Variants in GRIA2 observed in about 807,000 individuals in gnomAD.
GRIA2 encodes glutamate ionotropic receptor AMPA type subunit 2.
GRIA2 carries 14 observed loss-of-function variants against 97.3 expected under a neutral mutation model. The ratio of observed to expected loss-of-function variants is 0.14; its 90% CI spans 0.10 to 0.23. The LOEUF (loss-of-function observed/expected upper bound fraction) is 0.23. Among genes scored for constraint, GRIA2 ranks in the 10% least tolerant of loss-of-function variants. The pLI, the probability that GRIA2 is intolerant of heterozygous loss-of-function variation, is 1.00. For synonymous variants in GRIA2, 412 were observed against 387.8 expected, an observed-to-expected ratio of 1.06 and a Z score of -0.73; for missense variants, 558 against 1,069.8, an observed-to-expected ratio of 0.52 and a Z score of 6.67.
intron 6 of GRIA2, among the ~76,000 whole-genome samples, chr4:157,326,468 A>C (rs767259264): frequency 6.6e-6 from 1 of 152,200 alleles, no homozygotes. Context: ...CCTCATACAT[A>C]GTAACCATCT....
intron 2 of GRIA2, among the ~76,000 whole-genome samples, chr4:157,223,798 A>G (rs1479833128): frequency 6.6e-6 from 1 of 152,232 alleles, no homozygotes; most frequent in Non-Finnish European, 1.5e-5. Flanking sequence ...GGTGAAAATA[A>G]TGAGAAGAAC....
At chr4:157,263,224 T>A (rs1434713186) in intron 2 of GRIA2, among the ~76,000 whole-genome samples, 2 of 152,112 alleles carry the variant, frequency 1.3e-5, no homozygotes, top group African/African-American at 2.4e-5. Context: ...TCCTTCTTTT[T>A]TATTCCTGTT....
chr4:157,362,477 T>G (rs1222980712), intron 14 of GRIA2: 7 of 483,750 alleles, frequency 1.4e-5, no homozygotes, highest in Admixed American at 1.4e-4. Context: ...CCTTCAATTT[T>G]TCCCACGGTA....
At chr4:157,287,052 A>G (rs566746347) in intron 2 of GRIA2, among the ~76,000 whole-genome samples, 1 of 151,524 alleles carries the variant, frequency 6.6e-6, no homozygotes, top group Admixed American at 6.6e-5. Context: ...TTCTGTCTGG[A>G]AACAACTCCA....
chr4:157,268,786 T>C (rs1222136065), intron 2 of GRIA2, among the ~76,000 whole-genome samples: 1 of 152,032 alleles, frequency 6.6e-6, no homozygotes, highest in Non-Finnish European at 1.5e-5. Flanking sequence ...GCTTTTTTTC[T>C]TAGGATATAA....
At chr4:157,344,057 A>T (rs1735664296) in intron 12 of GRIA2, among the ~76,000 whole-genome samples, 1 of 152,130 alleles carries the variant, frequency 6.6e-6, no homozygotes, top group Non-Finnish European at 1.5e-5. Context: ...CTGAATTAGT[A>T]TAGGGAAATT....
chr4:157,229,213 A>AT (rs1465791725), intron 2 of GRIA2, among the ~76,000 whole-genome samples: 1 of 151,574 alleles, frequency 6.6e-6, no homozygotes, highest in Non-Finnish European at 1.5e-5. Context: ...GCGTATCCTT[A>AT]TTTTTTCTTT....
At position 157,312,790 on chromosome 4, in the gene GRIA2, C is replaced by T; in HGVS notation, c.581C>T (p.Ser194Leu). 6.2e-7 allele frequency: 1 copy of T among 1,609,968 alleles called. No individual in the cohort carries two copies. Among genetic ancestry groups the T allele is most frequent in the Non-Finnish European group, 8.5e-7 (1 of 1,176,766 alleles). ...GACAAGAAAGATGAGATGTACCGAT[C>T]ACTTTTTCAAGATCTGGAGTTAAAA... ...NNDKKDEMYR[S>L]LFQDLELKKE... is the part of the protein sequence containing the mutation. The change falls in exon 4 of 16, where the codon TCA (serine) becomes TTA (leucine). Residue 194 changes from serine (S) to leucine (L), a missense_variant. Around this residue, in one of 8 missense-constraint regions of GRIA2, gnomAD observed 173 missense variants for 209.1 expected, o/e 0.83. Coordinates refer to ENST00000264426, the MANE Select transcript of GRIA2 (RefSeq NM_001083619.3).
intron 2 of GRIA2, among the ~76,000 whole-genome samples, chr4:157,295,547 A>C (rs139948365): frequency 1.4e-4 from 21 of 152,206 alleles, no homozygotes; most frequent in Admixed American, 1.1e-3. Flanking sequence ...GGAGTGAACA[A>C]AGTAAAGGGT....
At chr4:157,255,946 C>T (rs770002273) in intron 2 of GRIA2, among the ~76,000 whole-genome samples, 5 of 151,016 alleles carry the variant, frequency 3.3e-5, no homozygotes, top group African/African-American at 7.3e-5. Context: ...CAAAATAAAA[C>T]GTCAATGAGA....
At chr4:157,236,647 A>C (rs1284918739) in intron 2 of GRIA2, among the ~76,000 whole-genome samples, 1 of 152,174 alleles carries the variant, frequency 6.6e-6, no homozygotes, top group African/African-American at 2.4e-5. Flanking sequence ...ATCAATTTAC[A>C]ACCCTACCTA....
At chr4:157,362,731 G>A (rs2127004322) in intron 14 of GRIA2, 68 bp from the exon 15 acceptor site, 17 of 1,303,036 alleles carry the variant, frequency 1.3e-5, no homozygotes, top group Non-Finnish European at 1.8e-5. Flanking sequence ...AATGCTATGT[G>A]ACATTGCTGT....
rs1311574183 is a variant in GRIA2 at position 157,362,953 on chromosome 4, A to G, written c.2561A>G (p.Asn854Ser). ...KRMKVAKNAQ[N>S]INPSSSQNSQ... ...ATGAAGGTGGCAAAGAATGCACAGAATATTAACCCATCTTCCTCGCAGAAT... is the reference window on the plus strand; with the variant it reads ...ATGAAGGTGGCAAAGAATGCACAGAGTATTAACCCATCTTCCTCGCAGAAT... The change falls in exon 15 of 16, where the codon AAT becomes AGT. Residue 854 changes from asparagine (N) to serine (S), a missense_variant. Around this residue, in one of 8 missense-constraint regions of GRIA2, gnomAD observed 54 missense variants for 82.1 expected, o/e 0.66. Transcript: ENST00000264426. 6 of 1,613,626 alleles carry G rather than the reference A, an allele frequency of 3.7e-6. No homozygotes were observed. Among genetic ancestry groups the G allele is most frequent in the Admixed American group, 1.7e-5 (1 of 59,964 alleles).
chr4:157,323,288 T>C (rs942813335), intron 6 of GRIA2, among the ~76,000 whole-genome samples: 6 of 118,432 alleles, frequency 5.1e-5, no homozygotes, highest in Admixed American at 1.3e-4. Context: ...TGGGCCGAGA[T>C]CGCGCCACTG....
At chr4:157,305,332 G>A (rs1733795333) in intron 3 of GRIA2, among the ~76,000 whole-genome samples, 1 of 151,962 alleles carries the variant, frequency 6.6e-6, no homozygotes, top group Non-Finnish European at 1.5e-5. Flanking sequence ...CCCAGGCCAA[G>A]CCACCATAAT....
chr4:157,312,816 A>G lies in GRIA2; in HGVS notation c.607A>G (p.Lys203Glu). The G allele has an allele frequency of 6.2e-7, 1 of 1,612,576 alleles. No homozygotes were observed. Reference protein sequence around the residue: ...RSLFQDLELKKERRVILDCER... With the variant: ...RSLFQDLELKEERRVILDCER... ...ACTTTTTCAAGATCTGGAGTTAAAAAAGGAACGGCGTGTAATTCTGGACTG... is the reference window on the plus strand; with the variant it reads ...ACTTTTTCAAGATCTGGAGTTAAAAGAGGAACGGCGTGTAATTCTGGACTG... Residue 203 changes from lysine (K) to glutamate (E), a missense_variant, in exon 4 of 16, where the codon AAG becomes GAG. Lys to Glu is a moderately conservative substitution (Grantham distance 56). Around this residue, in one of 8 missense-constraint regions of GRIA2, gnomAD observed 173 missense variants for 209.1 expected, o/e 0.83. Transcript: ENST00000264426.
At chr4:157,284,891 A>G in intron 2 of GRIA2, among the ~76,000 whole-genome samples, 1 of 151,746 alleles carries the variant, frequency 6.6e-6, no homozygotes, top group African/African-American at 2.4e-5. Context: ...GCAGCCATGA[A>G]TATTCTTTTA....
chr4:157,235,691 T>G (rs1207311649), intron 2 of GRIA2, among the ~76,000 whole-genome samples: 3 of 151,922 alleles, frequency 2.0e-5, no homozygotes, highest in African/African-American at 7.3e-5. Flanking sequence ...AAGTTTCAAT[T>G]TTTCGCATCA....
intron 2 of GRIA2, among the ~76,000 whole-genome samples, chr4:157,271,185 G>A (rs1732007577): frequency 6.6e-6 from 1 of 151,760 alleles, no homozygotes. Context: ...CCCTATATAT[G>A]TGGGGTTTCC....
Sources: gnomAD v4.1 joint callset for allele counts (sites outside exome capture counted in the v4.1 genomes callset) on GRCh38, gnomAD v4.1.1 for gene constraint, gnomAD v4.1.1 regional missense constraint, MANE v1.5 for transcripts, NCBI Gene and HGNC (gene_info 2026-07-23, HGNC 2026-07-21) for gene names.